The following GTF2H1 variants were observed in gnomAD, a reference collection of about 807,000 sequenced individuals.
The protein encoded by GTF2H1 is BTF2 p62.
In GTF2H1, 16 loss-of-function variants were observed where a neutral mutation model predicts 71.2. The observed-to-expected ratio is 0.22, with a 90% confidence interval of 0.15 to 0.34. The LOEUF (loss-of-function observed/expected upper bound fraction) is 0.34, where lower values mean the gene tolerates loss of function less well. GTF2H1 is among the 10% of genes least tolerant of loss of function. GTF2H1 has a pLI of 1.00. For synonymous variants in GTF2H1, 215 were observed against 219.0 expected, an observed-to-expected ratio of 0.98 and a Z score of 0.16; for missense variants, 498 against 648.2, an observed-to-expected ratio of 0.77 and a Z score of 2.52.
intron 1 of GTF2H1, among the ~76,000 whole-genome samples, chr11:18,330,167 T>C (rs1864861777): frequency 6.6e-6 from 1 of 152,226 alleles, no homozygotes; most frequent in South Asian, 2.1e-4. Flanking sequence ...AAATGGCTTT[T>C]TAAAAATTCT....
At chr11:18,352,016 C>A in intron 10 of GTF2H1, 47 bp downstream of exon 10, 1 of 915,308 alleles carries the variant, frequency 1.1e-6, no homozygotes, top group South Asian at 1.3e-5. Flanking sequence ...ACAATTCAGT[C>A]CAAAATATAT....
intron 11 of GTF2H1, among the ~76,000 whole-genome samples, chr11:18,353,850 A>G (rs1055174955): frequency 6.6e-6 from 1 of 152,218 alleles, no homozygotes; most frequent in African/African-American, 2.4e-5. Flanking sequence ...TATATTTTCA[A>G]AAAACTAAGA....
In GTF2H1 at chr11:18,339,592, G is replaced by C; in HGVS notation, c.542G>C (p.Cys181Ser). ...GATGTCCGGCCCCAAACTGATGGCT[G>C]TAACGGTCTAAGATATAATTTAACT... is the stretch of plus-strand genomic sequence containing the variant. ...LADVRPQTDG[C>S]NGLRYNLTSD... The change falls in exon 5 of 15, where the codon TGT (cysteine) becomes TCT (serine). Residue 181 changes from cysteine to serine, a missense_variant. By Grantham distance (112) the Cys-to-Ser change is moderately radical. Around this residue, in one of 3 missense-constraint regions of GTF2H1, gnomAD observed 216 missense variants for 306.2 expected, o/e 0.71. Coordinates refer to ENST00000265963, the MANE Select transcript of GTF2H1 (RefSeq NM_005316.4). 6.2e-7 allele frequency: 1 copy of C among 1,613,426 alleles called. No individual in the cohort carries two copies. Among genetic ancestry groups the C allele is most frequent in the Non-Finnish European group, 8.5e-7 (1 of 1,179,366 alleles).
At position 18,340,978 on chromosome 11, in the gene GTF2H1, C is replaced by T. The variant is rs4150600; in HGVS notation, c.608-283C>T. Among the ~76,000 whole-genome samples, 946 of 152,312 alleles carry T rather than the reference C, an allele frequency of 6.2e-3. 14 individuals are homozygous for T. Among genetic ancestry groups the T allele is most frequent in the African/African-American group, 0.022 (914 of 41,570 alleles). ...ATATATAAATGAGCAAACAAGCAGA[C>T]TCAGCTCTGACTCCTGAGATTCTTG... is the stretch of plus-strand genomic sequence containing the variant. On this transcript the variant is annotated intron_variant, in intron 5 of 14. Transcript: ENST00000265963.
intron 14 of GTF2H1, among the ~76,000 whole-genome samples, chr11:18,364,644 G>C (rs996784335): frequency 5.9e-5 from 9 of 152,154 alleles, no homozygotes; most frequent in Admixed American, 5.9e-4. Context: ...CTATGTCCAT[G>C]ATGAGGGCAA....
At chr11:18,331,551 A>G (rs1864898645) in intron 1 of GTF2H1, among the ~76,000 whole-genome samples, 1 of 152,054 alleles carries the variant, frequency 6.6e-6, no homozygotes, top group African/African-American at 2.4e-5. Flanking sequence ...CTGTAATCCC[A>G]GCTGCTCGGG....
chr11:18,347,423 T>C (rs1865318970), intron 7 of GTF2H1, 165 bp from the exon 8 acceptor site: 2 of 543,628 alleles, frequency 3.7e-6, no homozygotes, highest in Admixed American at 3.3e-5. Flanking sequence ...GTTAATCTTT[T>C]ATGTGCATAA....
In GTF2H1 at chr11:18,339,672, T is replaced by G. The variant is rs778350929; in HGVS notation, c.607+15T>G. The G allele has an allele frequency of 4.5e-5, 62 of 1,377,956 alleles. No homozygotes were observed. The highest frequency in any genetic ancestry group is 6.1e-5 in the Non-Finnish European group (59 of 967,610). The allele number at this position is 1,377,956 out of a possible 1,614,324, so 85.4% of individuals were successfully genotyped here. ...CTATCCAGCAGGTAAGAAGAATCAG[T>G]TCTTTCAGATGGTTAAAATATATGG... On this transcript the variant is annotated intron_variant, in intron 5 of 14. Coordinates refer to ENST00000265963, the MANE Select transcript of GTF2H1 (RefSeq NM_005316.4).
At chr11:18,365,070 TTAAAAAAGA>T (rs1435430888) in intron 14 of GTF2H1, among the ~76,000 whole-genome samples, 163 of 111,526 alleles carry the variant, frequency 1.5e-3, no homozygotes, top group African/African-American at 5.3e-3. Context: ...TCTCCACTAT[TTAAAAAAGA>T]AAAAAAAAAA....
chr11:18,327,133 T>C (rs961778778), intron 1 of GTF2H1, among the ~76,000 whole-genome samples: 11 of 152,294 alleles, frequency 7.2e-5, no homozygotes, highest in Admixed American at 3.9e-4. Flanking sequence ...AAATAAACTA[T>C]TGAAAATAGA....
intron 14 of GTF2H1, among the ~76,000 whole-genome samples, chr11:18,365,320 G>T (rs537576987): frequency 6.6e-6 from 1 of 152,036 alleles, no homozygotes; most frequent in Non-Finnish European, 1.5e-5. Context: ...GGAGGCTGCA[G>T]TGAGCCAAAA....
intron 1 of GTF2H1, chr11:18,325,904 A>G (rs1284646089): frequency 3.3e-5 from 5 of 152,254 alleles, no homozygotes; most frequent in African/African-American, 9.6e-5. Flanking sequence ...GTTTAAATGT[A>G]GCCTACACCA....
At chr11:18,328,001 G>A (rs901705586) in intron 1 of GTF2H1, among the ~76,000 whole-genome samples, 1 of 151,894 alleles carries the variant, frequency 6.6e-6, no homozygotes, top group Non-Finnish European at 1.5e-5. Flanking sequence ...AGGTCAGTTC[G>A]AGAGCAGCCT....
chr11:18,351,801 A>G, intron 9 of GTF2H1, 80 bp from the exon 10 acceptor site: 1 of 751,006 alleles, frequency 1.3e-6, no homozygotes. Flanking sequence ...TACCCTCTGT[A>G]CAGTTTTGTT....
intron 11 of GTF2H1, among the ~76,000 whole-genome samples, chr11:18,354,183 A>G (rs1245963949): frequency 1.3e-5 from 2 of 152,196 alleles, no homozygotes; most frequent in African/African-American, 4.8e-5. Context: ...CACATTAGGC[A>G]TTTTTGCCAG....
At chr11:18,339,274 A>G (rs1251558883) in intron 4 of GTF2H1, among the ~76,000 whole-genome samples, 3 of 152,214 alleles carry the variant, frequency 2.0e-5, no homozygotes, top group Non-Finnish European at 4.4e-5. Flanking sequence ...TTATGACTAT[A>G]CAAGTTTTAT....
chr11:18,364,335 A>G (rs751627273), intron 14 of GTF2H1, among the ~76,000 whole-genome samples: 3 of 152,122 alleles, frequency 2.0e-5, no homozygotes, highest in Non-Finnish European at 2.9e-5. Context: ...CTCCATCTCC[A>G]TCCTCCCAGA....
intron 3 of GTF2H1, among the ~76,000 whole-genome samples, chr11:18,336,402 A>G (rs1196580646): frequency 6.6e-6 from 1 of 152,172 alleles, no homozygotes; most frequent in East Asian, 1.9e-4. Context: ...TGCTGGGATT[A>G]CAGGTATGAG....
chr11:18,329,742 C>T (rs1000265737), intron 1 of GTF2H1, among the ~76,000 whole-genome samples: 1 of 152,226 alleles, frequency 6.6e-6, no homozygotes, highest in Non-Finnish European at 1.5e-5. Context: ...TTGCCTCTGA[C>T]ACCTGTTTCC....
Sources: allele counts gnomAD v4.1 joint callset (sites outside exome capture counted in the v4.1 genomes callset), GRCh38; gene constraint gnomAD v4.1.1; regional missense constraint gnomAD v4.1.1; transcripts MANE v1.5; gene names NCBI Gene and HGNC (gene_info 2026-07-23, HGNC 2026-07-21).